The following PCDH11X variants were observed in gnomAD, a reference collection of about 807,000 sequenced individuals.
The protein encoded by PCDH11X is protocadherin-11 X-linked.
Under a neutral mutation model 53.3 loss-of-function variants are expected in PCDH11X, and 18 were observed. The observed-to-expected ratio is 0.34, with a 90% CI of 0.23 to 0.50. The LOEUF (loss-of-function observed/expected upper bound fraction) is 0.50, where lower values mean the gene tolerates loss of function less well. Ranked by LOEUF, PCDH11X falls within the 20% of genes least tolerant of loss-of-function variation. The probability of loss-of-function intolerance (pLI) is 0.98; values close to 1 mark genes in which losing one functional copy is unlikely to be tolerated. For synonymous variants in PCDH11X, 279 were observed against 393.3 expected, an observed-to-expected ratio of 0.71 and a Z score of 3.44; for missense variants, 570 against 1,032.4, an observed-to-expected ratio of 0.55 and a Z score of 6.14.
chrX:92,217,681 C>T (rs2066752372), intron 7 of PCDH11X, among the ~76,000 whole-genome samples: 1 of 104,837 alleles, frequency 9.5e-6, no homozygotes, highest in Admixed American at 1.0e-4. Flanking sequence ...AGGAATTGAA[C>T]TCAGCTCTGC....
intron 6 of PCDH11X, among the ~76,000 whole-genome samples, chrX:91,922,948 G>A (rs1301644695): frequency 9.0e-6 from 1 of 111,092 alleles, no homozygotes; most frequent in African/African-American, 3.3e-5. Flanking sequence ...ATTTCACATG[G>A]ACTCTACAAA....
intron 4 of PCDH11X, among the ~76,000 whole-genome samples, chrX:91,833,484 T>C (rs1362305162): frequency 9.0e-6 from 1 of 110,894 alleles, no homozygotes; most frequent in Non-Finnish European, 1.9e-5. Context: ...GGCAACAGTG[T>C]TTTTGTGTTG....
intron 10 of PCDH11X, among the ~76,000 whole-genome samples, chrX:92,497,966 A>G (rs1407877103): frequency 8.9e-6 from 1 of 111,943 alleles, no homozygotes; most frequent in Non-Finnish European, 1.9e-5. Context: ...CTGCCTGATG[A>G]CAAAATGCCT....
rs1939394192 is a variant in PCDH11X, at chrX:91,872,728, T to C, written c.541-4053T>C. ...TATAAGGATGTGTCGGTGCTGAAGA[T>C]AGGGAGATGATGAATTAAGGAGCCA... is the stretch of plus-strand genomic sequence containing the variant. On this transcript the variant is annotated intron_variant, in intron 5 of 10. Transcript: ENST00000682573. 2.8e-5 allele frequency among the ~76,000 whole-genome samples: 3 copies of C among 106,972 alleles called. No individual in the cohort carries two copies. The Admixed American group carries it at 3.0e-4, about 11-fold the overall frequency. The allele number at this position is 106,972 out of a possible 115,157, so 92.9% of individuals were successfully genotyped here.
chrX:91,898,720 A>AT (rs1380003146), intron 6 of PCDH11X, among the ~76,000 whole-genome samples: 5 of 101,180 alleles, frequency 4.9e-5, no homozygotes, highest in African/African-American at 1.8e-4. Context: ...CTGCATGCAC[A>AT]TTCTATTTAC....
chrX:92,469,889 G>A lies in PCDH11X; in HGVS notation c.3367+1567G>A, dbSNP rs764270620. ...CTTAGGATAGCTTTGGCTATTCTGC[G>A]TATTTTGTGGTTCCATATAAGTTTT... On this transcript the variant is annotated intron_variant, in intron 10 of 10. Transcript: ENST00000682573. Among the ~76,000 whole-genome samples the A allele has an allele frequency of 6.4e-5, 7 of 109,710 alleles. No homozygotes were observed. In the East Asian group the frequency reaches 8.6e-4, roughly 13 times the overall value.
intron 6 of PCDH11X, among the ~76,000 whole-genome samples, chrX:92,187,457 T>C (rs1345089210): frequency 4.5e-5 from 5 of 111,743 alleles, no homozygotes; most frequent in Non-Finnish European, 1.9e-5. Context: ...ACTCACAAAA[T>C]TAATGGTTAG....
intron 8 of PCDH11X, among the ~76,000 whole-genome samples, chrX:92,268,640 G>T (rs1050063284): frequency 8.9e-6 from 1 of 111,807 alleles, no homozygotes; most frequent in African/African-American, 3.3e-5. Context: ...TGTACTGCAG[G>T]TACACTGTGA....
intron 8 of PCDH11X, among the ~76,000 whole-genome samples, chrX:92,378,406 C>T (rs2070799201): frequency 1.8e-5 from 2 of 109,354 alleles, no homozygotes; most frequent in Admixed American, 9.8e-5. Context: ...AATTTCATTA[C>T]TCTAATATGA....
chrX:92,128,370 C>A (rs1025494522), intron 6 of PCDH11X, among the ~76,000 whole-genome samples: 1 of 109,224 alleles, frequency 9.2e-6, no homozygotes, highest in African/African-American at 3.3e-5. Context: ...AAAAATAGGA[C>A]TCTTGCCTGC....
At chrX:92,421,760 TTG>T (rs1280054563) in intron 9 of PCDH11X, among the ~76,000 whole-genome samples, 4 of 111,835 alleles carry the variant, frequency 3.6e-5, no homozygotes, top group African/African-American at 1.3e-4. Flanking sequence ...CTCCACAACA[TTG>T]TGAGTATCTC....
intron 6 of PCDH11X, among the ~76,000 whole-genome samples, chrX:91,898,449 T>C (rs913984973): frequency 9.1e-6 from 1 of 109,446 alleles, no homozygotes. Context: ...AAATATTGAG[T>C]ATAGCTCTGG....
At chrX:91,861,295 T>G (rs1408353260) in intron 5 of PCDH11X, among the ~76,000 whole-genome samples, 2 of 112,009 alleles carry the variant, frequency 1.8e-5, no homozygotes, top group Non-Finnish European at 3.8e-5. Flanking sequence ...CTGATGGTTG[T>G]TTGTGTTTCT....
At chrX:92,615,487 C>T (rs1437162740) in intron 10 of PCDH11X, among the ~76,000 whole-genome samples, 1 of 111,852 alleles carries the variant, frequency 8.9e-6, no homozygotes, top group Non-Finnish European at 1.9e-5. Flanking sequence ...ACAGCTATAG[C>T]AGCTCTTCTC....
intron 6 of PCDH11X, among the ~76,000 whole-genome samples, chrX:91,974,685 A>G (rs2062021766): frequency 9.1e-6 from 1 of 109,928 alleles, no homozygotes; most frequent in African/African-American, 3.3e-5. Flanking sequence ...GCCTGATTCC[A>G]AGTAAAACAT....
At chrX:92,295,366 C>T (rs1050649131) in intron 8 of PCDH11X, among the ~76,000 whole-genome samples, 22 of 110,198 alleles carry the variant, frequency 2.0e-4, no homozygotes, top group African/African-American at 7.3e-4. Flanking sequence ...GCTGGACTCT[C>T]GTTATTTCTA....
At position 92,496,670 on chromosome X, in the gene PCDH11X, C is replaced by T. The variant is rs763359092; in HGVS notation, c.3367+28348C>T. 4.2e-3 allele frequency among the ~76,000 whole-genome samples: 453 copies of T among 107,339 alleles called. 3 individuals are homozygous for T. Among genetic ancestry groups the T allele is most frequent in the Non-Finnish European group, 7.2e-3 (379 of 52,687 alleles). The allele number at this position is 107,339 out of a possible 115,157, so 93.2% of individuals were successfully genotyped here. The stretch of plus-strand genomic sequence containing the variant: ...TGTTAATGTAGAAACCAAAGTAATT[C>T]CACCTTTCTGGGGACAAGCCCAGAT... On this transcript the variant is annotated intron_variant, in intron 10 of 10. Transcript: ENST00000682573.
intron 6 of PCDH11X, among the ~76,000 whole-genome samples, chrX:92,134,801 A>G (rs1405723740): frequency 9.0e-6 from 1 of 111,505 alleles, no homozygotes; most frequent in Non-Finnish European, 1.9e-5. Context: ...GGAATGTAGC[A>G]GTGAGGACAA....
chrX:91,809,208 CT>C (rs1473805068), intron 1 of PCDH11X, among the ~76,000 whole-genome samples: 1 of 111,475 alleles, frequency 9.0e-6, no homozygotes, highest in Non-Finnish European at 1.9e-5. Flanking sequence ...AAACTTTAGA[CT>C]TTTTTATCTT....
Sources: allele counts gnomAD v4.1 joint callset (sites outside exome capture counted in the v4.1 genomes callset), GRCh38; gene constraint gnomAD v4.1.1; transcripts MANE v1.5; gene names NCBI Gene and HGNC (gene_info 2026-07-23, HGNC 2026-07-21).